Variants in SNX30 observed in about 807,000 individuals in gnomAD.
The protein encoded by SNX30 is sorting nexin family member 30, also known as sorting nexin-30.
In SNX30, 24 loss-of-function variants were observed where a neutral mutation model predicts 46.4. The ratio of observed to expected loss-of-function variants is 0.52; its 90% confidence interval spans 0.37 to 0.73. SNX30 has a LOEUF of 0.73. Among genes scored for constraint, SNX30 ranks in the 30% least tolerant of loss-of-function variants. The probability of loss-of-function intolerance (pLI) is 0.00; values close to 1 mark genes in which losing one functional copy is unlikely to be tolerated. For missense variants in SNX30, 533 were observed against 555.7 expected, an observed-to-expected ratio of 0.96 and a Z score of 0.41; for synonymous variants, 189 against 211.5, an observed-to-expected ratio of 0.89 and a Z score of 0.92.
intron 2 of SNX30, among the ~76,000 whole-genome samples, chr9:112,815,411 A>AGTGCAGTG (rs2131417940): frequency 6.7e-6 from 1 of 148,446 alleles, no homozygotes; most frequent in Non-Finnish European, 1.5e-5. Flanking sequence ...CCCAGGCTGG[A>AGTGCAGTG]GTGCAGTGGT....
chr9:112,841,853 T>C (rs188069940), intron 6 of SNX30, among the ~76,000 whole-genome samples: 200 of 152,310 alleles, frequency 1.3e-3, no homozygotes, highest in Admixed American at 3.1e-3. Context: ...AAAATGGCTT[T>C]CTGATTTTTG....
At chr9:112,770,836 A>G (rs1839636892) in intron 1 of SNX30, among the ~76,000 whole-genome samples, 1 of 152,116 alleles carries the variant, frequency 6.6e-6, no homozygotes, top group African/African-American at 2.4e-5. Context: ...TCTCTACTAA[A>G]AATACAAAAA....
chr9:112,807,048 CTATCTTTTT>C (rs1840236102), intron 2 of SNX30, among the ~76,000 whole-genome samples: 4 of 94,816 alleles, frequency 4.2e-5, no homozygotes, highest in South Asian at 3.5e-4. Flanking sequence ...CTTTTCTTTT[CTATCTTTTT>C]TTTTTTTTTT....
intron 2 of SNX30, among the ~76,000 whole-genome samples, chr9:112,808,112 G>C (rs1427552271): frequency 1.3e-5 from 2 of 152,126 alleles, no homozygotes; most frequent in African/African-American, 2.4e-5. Flanking sequence ...TTGTATTGAC[G>C]GATATCGTAG....
At chr9:112,834,850 ACACACACACACACACACACAC>A (rs1840724219) in intron 4 of SNX30, among the ~76,000 whole-genome samples, 1 of 63,056 alleles carries the variant, frequency 1.6e-5, no homozygotes, top group Admixed American at 1.7e-4. Flanking sequence ...ACAAACACAC[ACACACACACACACACACACAC>A]ACACACACAC....
Position 112,864,258 on chromosome 9 carries a change from C to T in SNX30, c.1113C>T (p.Asp371=), listed in dbSNP as rs149185089. The change falls in exon 8 of 9, where the codon GAC becomes GAT. Residue 371 remains aspartate, a synonymous_variant. Coordinates refer to ENST00000374232, the MANE Select transcript of SNX30 (RefSeq NM_001012994.2). The stretch of plus-strand genomic sequence containing the variant: ...CCTCCCTTTTCCAGGTACCGGCGGA[C>T]GTCGAGAAATGTCAGGATCGGATGG... ...RKEDRPKVPA[D]VEKCQDRMEC... is the part of the protein sequence containing the mutation. 746 of 1,613,918 alleles carry T rather than the reference C, an allele frequency of 4.6e-4. 6 individuals carry two copies. The African/African-American group carries it at 9.2e-3, about 20-fold the overall frequency.
intron 3 of SNX30, among the ~76,000 whole-genome samples, chr9:112,821,433 T>G (rs10739372): frequency 0.94 from 142,190 of 151,976 alleles, 66,583 homozygotes; most frequent in East Asian, 1. Context: ...ATATGTGTGT[T>G]TGTATATATG....
chr9:112,796,189 C>CTTA (rs1840104829), intron 1 of SNX30, among the ~76,000 whole-genome samples: 1 of 152,196 alleles, frequency 6.6e-6, no homozygotes, highest in African/African-American at 2.4e-5. Flanking sequence ...GCATCTCTGC[C>CTTA]TTAAGATTGT....
intron 4 of SNX30, among the ~76,000 whole-genome samples, 166 bp downstream of exon 4, chr9:112,831,049 G>GTAGC (rs1234049611): frequency 6.6e-6 from 1 of 151,736 alleles, no homozygotes; most frequent in African/African-American, 2.4e-5. Context: ...AAGGCAGGAG[G>GTAGC]TAGCTTGAGC....
At chr9:112,769,446 G>A (rs1366752483) in intron 1 of SNX30, among the ~76,000 whole-genome samples, 1 of 152,160 alleles carries the variant, frequency 6.6e-6, no homozygotes, top group African/African-American at 2.4e-5. Flanking sequence ...CACTACTGTG[G>A]GTGCAGCCAT....
intron 1 of SNX30, among the ~76,000 whole-genome samples, chr9:112,791,957 T>G (rs1200852766): frequency 1.3e-5 from 2 of 152,128 alleles, no homozygotes; most frequent in African/African-American, 4.8e-5. Context: ...TGGTATATAT[T>G]TTTTTTCCAA....
chr9:112,857,905 A>G (rs1279642328), intron 7 of SNX30, among the ~76,000 whole-genome samples: 1 of 152,162 alleles, frequency 6.6e-6, no homozygotes, highest in African/African-American at 2.4e-5. Flanking sequence ...ATGTTGAGTG[A>G]ATTTAAGTTA....
At chr9:112,877,065 C>T (rs1379084118), downstream of SNX30, 1 of 152,148 alleles carries the variant, frequency 6.6e-6, no homozygotes, top group Non-Finnish European at 1.5e-5. Flanking sequence ...AGCCCCAGTC[C>T]TAGAGTTTGA....
intron 1 of SNX30, among the ~76,000 whole-genome samples, chr9:112,762,049 A>G (rs1027494740): frequency 6.6e-6 from 1 of 152,204 alleles, no homozygotes; most frequent in Non-Finnish European, 1.5e-5. Flanking sequence ...CTCTCAAAGT[A>G]AAATAAGTAC....
chr9:112,851,949 CTA>C (rs1420060505), intron 7 of SNX30, among the ~76,000 whole-genome samples: 4 of 152,172 alleles, frequency 2.6e-5, no homozygotes, highest in Non-Finnish European at 4.4e-5. Context: ...ACAAATCATC[CTA>C]TGTCATCCCT....
At chr9:112,767,122 T>TTC (rs367564315) in intron 1 of SNX30, among the ~76,000 whole-genome samples, 551 of 11,070 alleles carry the variant, frequency 0.05, 6 homozygotes, top group Middle Eastern at 0.12. Context: ...ACTAATTATT[T>TTC]TATTTTTTTT....
rs562427861 is a variant in SNX30 at position 112,779,740 on chromosome 9, G to C, written c.157-25036G>C. On this transcript the variant is annotated intron_variant, in intron 1 of 8. Transcript: ENST00000374232. ...AGCTGCATTCATTGCTGAAGGGTGAGGGCAGGTGAGGGAAGGGAGCTGGTG... is the reference window on the plus strand; with the variant it reads ...AGCTGCATTCATTGCTGAAGGGTGACGGCAGGTGAGGGAAGGGAGCTGGTG... 3.2e-3 allele frequency among the ~76,000 whole-genome samples: 484 copies of C among 152,254 alleles called. 3 individuals are homozygous for C. Among genetic ancestry groups the C allele is most frequent in the Non-Finnish European group, 6.1e-3 (418 of 68,016 alleles).
At chr9:112,779,651 C>T (rs1339675724) in intron 1 of SNX30, among the ~76,000 whole-genome samples, 2 of 152,186 alleles carry the variant, frequency 1.3e-5, no homozygotes, top group Non-Finnish European at 2.9e-5. Flanking sequence ...GCCAAGATCG[C>T]GCCACTGCAC....
In SNX30 at chr9:112,832,877, T is replaced by C. The variant is rs1177950110; in HGVS notation, c.618+1994T>C. 2.0e-5 allele frequency among the ~76,000 whole-genome samples: 3 copies of C among 147,294 alleles called. No homozygotes were observed. The East Asian group carries it at 5.9e-4, about 29-fold the overall frequency. ...TATAATAAATATAATATATATAAAA[T>C]ATCTATATATATAAGGTCCTTTACT... On this transcript the variant is annotated intron_variant, in intron 4 of 8. Transcript: ENST00000374232.
Sources: gnomAD v4.1 joint callset for allele counts (sites outside exome capture counted in the v4.1 genomes callset) on GRCh38, gnomAD v4.1.1 for gene constraint, MANE v1.5 for transcripts, NCBI Gene and HGNC (gene_info 2026-07-23, HGNC 2026-07-21) for gene names.